NMT2: variants seen among roughly 807,000 people sequenced by gnomAD.
The protein encoded by NMT2 is N-myristoyltransferase 2.
A neutral mutation model predicts 65.4 loss-of-function variants in NMT2; 35 were observed. The ratio of observed to expected loss-of-function variants is 0.54; its 90% CI spans 0.41 to 0.71. The LOEUF is 0.71. NMT2 is among the 30% of genes least tolerant of loss of function. The pLI, the probability that NMT2 is intolerant of heterozygous loss-of-function variation, is 0.00. For missense variants in NMT2, 489 were observed against 611.3 expected, an observed-to-expected ratio of 0.80 and a Z score of 2.11; for synonymous variants, 226 against 231.8, an observed-to-expected ratio of 0.98 and a Z score of 0.23.
At chr10:15,143,617 G>A (rs1036120464) in intron 1 of NMT2, among the ~76,000 whole-genome samples, 2 of 152,222 alleles carry the variant, frequency 1.3e-5, no homozygotes, top group African/African-American at 4.8e-5. Context: ...AGCACTTTGG[G>A]GGTCCAAGGC....
chr10:15,167,190 AAAT>A (rs895736935), intron 1 of NMT2, among the ~76,000 whole-genome samples: 1 of 152,210 alleles, frequency 6.6e-6, no homozygotes, highest in Non-Finnish European at 1.5e-5. Flanking sequence ...TTAAAAAAAA[AAAT>A]ATTCTAGACT....
intron 8 of NMT2, among the ~76,000 whole-genome samples, chr10:15,121,548 G>A (rs1369278389): frequency 6.6e-6 from 1 of 152,136 alleles, no homozygotes; most frequent in Non-Finnish European, 1.5e-5. Flanking sequence ...TGTGTTTTTA[G>A]TAGAGACAGG....
At chr10:15,118,488 G>A (rs964036940) in intron 9 of NMT2, among the ~76,000 whole-genome samples, 1 of 152,026 alleles carries the variant, frequency 6.6e-6, no homozygotes, top group Non-Finnish European at 1.5e-5. Flanking sequence ...GCAGTGAGCC[G>A]AGATTGTGCC....
chr10:15,149,472 T>C (rs866335784), intron 1 of NMT2, among the ~76,000 whole-genome samples: 6 of 6,714 alleles, frequency 8.9e-4, no homozygotes, highest in South Asian at 3.6e-3. Context: ...ATCATCACCA[T>C]CATCACCACC....
intron 1 of NMT2, among the ~76,000 whole-genome samples, chr10:15,156,111 G>A (rs1564590220): frequency 6.6e-6 from 1 of 152,166 alleles, no homozygotes. Context: ...AGATAAGGCG[G>A]TGATGTGGTT....
chr10:15,168,587 G>A lies in NMT2; in HGVS notation c.26C>T (p.Ala9Val). The A allele has an allele frequency of 1.3e-6, 2 of 1,586,856 alleles. No individual in the cohort carries two copies. Among genetic ancestry groups the A allele is most frequent in the Non-Finnish European group, 8.5e-7 (1 of 1,170,822 alleles). MAEDSESA[A>V]SQQSLELDDQ... ...GTCCAGTTCCAGGCTCTGCTGGCTG[G>A]CCGCAGACTCGCTGTCCTCCGCCAT... is the stretch of plus-strand genomic sequence containing the variant. The change falls in exon 1 of 12, where the codon GCC becomes GTC. Residue 9 changes from alanine (A) to valine (V), a missense_variant. By Grantham distance (64) the Ala-to-Val change is moderately conservative (BLOSUM62 0). Coordinates refer to ENST00000378165, the MANE Select transcript of NMT2 (RefSeq NM_004808.3).
chr10:15,149,541 CCATCACCACCAT>C (rs1832726359), intron 1 of NMT2, among the ~76,000 whole-genome samples: 1 of 115,598 alleles, frequency 8.7e-6, no homozygotes, highest in African/African-American at 3.2e-5. Context: ...ATCATCACCA[CCATCACCACCAT>C]CATCACCAAC....
chr10:15,128,468 A>T lies in NMT2; in HGVS notation c.891-10T>A, dbSNP rs1237347097. On this transcript the variant is annotated splice_polypyrimidine_tract_variant and intron_variant, in intron 7 of 11. Coordinates refer to ENST00000378165, the MANE Select transcript of NMT2 (RefSeq NM_004808.3). The stretch of plus-strand genomic sequence containing the variant: ...TGATCGATGCCAGTATCTGGAATAC[A>T]ATAAAGGTTTTAAAATCAAATTGAT... The T allele has an allele frequency of 2.0e-6, 3 of 1,495,212 alleles. No individual in the cohort carries two copies. Among genetic ancestry groups the T allele is most frequent in the Admixed American group, 3.6e-5 (2 of 55,840 alleles). 92.6% of individuals were successfully genotyped at this position (1,495,212 alleles called of 1,614,324 possible).
rs773713492 is a variant in NMT2, at chr10:15,133,037, G to T, written c.602+16C>A. On this transcript the variant is annotated intron_variant, in intron 5 of 11. Transcript: ENST00000378165. ...AGCAGCGCCTATCCACGACATCTGT[G>T]ATCGATGAGACTTACCACAACAGGA... The T allele has an allele frequency of 2.5e-6, 4 of 1,609,746 alleles. No homozygotes were observed. Among genetic ancestry groups the T allele is most frequent in the Non-Finnish European group, 3.4e-6 (4 of 1,176,086 alleles).
At chr10:15,111,768 T>G (rs922257953) in intron 10 of NMT2, 3 of 151,924 alleles carry the variant, frequency 2.0e-5, no homozygotes. Context: ...GATGTTGACT[T>G]GGGGATCCAA....
intron 1 of NMT2, among the ~76,000 whole-genome samples, chr10:15,142,805 A>G (rs1486781193): frequency 6.6e-6 from 1 of 152,182 alleles, no homozygotes; most frequent in Non-Finnish European, 1.5e-5. Context: ...ATATCTGACT[A>G]GCAATTGGGA....
Position 15,107,790 on chromosome 10 carries a change from G to A in NMT2, c.*1405C>T, listed in dbSNP as rs574049334. 1.5e-4 allele frequency: 148 copies of A among 985,574 alleles called. No individual in the cohort carries two copies. The highest frequency in any genetic ancestry group is 1.7e-4 in the Non-Finnish European group (141 of 829,932). 61.1% of individuals were successfully genotyped at this position (985,574 alleles called of 1,614,324 possible). ...CTTTGTGGTATCTGAGTTGAGGCCA[G>A]GCTACGTGGCCTCGGTTAGCATCTT... On this transcript the variant is annotated 3_prime_UTR_variant, in exon 12 of 12. Transcript: ENST00000378165.
chr10:15,112,218 T>TATATATA (rs1564557605), intron 10 of NMT2, among the ~76,000 whole-genome samples: 3 of 9,532 alleles, frequency 3.1e-4, no homozygotes, highest in Non-Finnish European at 4.2e-4. Flanking sequence ...ATATATATAT[T>TATATATA]TTTTTTTTTT....
chr10:15,149,499 T>C (rs1248128215), intron 1 of NMT2, among the ~76,000 whole-genome samples: 1 of 137,940 alleles, frequency 7.2e-6, no homozygotes, highest in African/African-American at 2.8e-5. Context: ...ATCACCATCA[T>C]CACCACCATC....
chr10:15,161,109 A>AAC (rs1833180687), intron 1 of NMT2, among the ~76,000 whole-genome samples: 2 of 146,104 alleles, frequency 1.4e-5, no homozygotes, highest in Non-Finnish European at 3.1e-5. Flanking sequence ...AAAAAAAAAA[A>AAC]ACACAAAGAA....
intron 1 of NMT2, among the ~76,000 whole-genome samples, chr10:15,143,778 T>G (rs922189089): frequency 2.6e-5 from 4 of 152,046 alleles, no homozygotes; most frequent in African/African-American, 9.7e-5. Context: ...GGAGGATCAC[T>G]TGAGCCTGGG....
intron 1 of NMT2, among the ~76,000 whole-genome samples, chr10:15,158,919 AC>A (rs1046077952): frequency 3.3e-5 from 5 of 151,886 alleles, no homozygotes; most frequent in African/African-American, 9.7e-5. Flanking sequence ...TAAGCTATTT[AC>A]CCCCCAAAGG....
chr10:15,157,334 G>A (rs1471327843), intron 1 of NMT2, among the ~76,000 whole-genome samples: 1 of 152,178 alleles, frequency 6.6e-6, no homozygotes, highest in African/African-American at 2.4e-5. Context: ...CTTACTCAAA[G>A]CATCCACAAA....
intron 9 of NMT2, 96 bp from the exon 10 acceptor site, chr10:15,113,059 A>C: frequency 1.6e-6 from 2 of 1,267,066 alleles, no homozygotes; most frequent in Non-Finnish European, 2.3e-6. Flanking sequence ...CCAGAGAACG[A>C]AAAGCAGTAA....
Sources: allele counts gnomAD v4.1 joint callset (sites outside exome capture counted in the v4.1 genomes callset), GRCh38; gene constraint gnomAD v4.1.1; transcripts MANE v1.5; gene names NCBI Gene and HGNC (gene_info 2026-07-23, HGNC 2026-07-21).